Variants in GXYLT1 observed in about 807,000 individuals in gnomAD.
The protein encoded by GXYLT1 is glycosyltransferase 8 domain containing 3.
In GXYLT1, 29 loss-of-function variants were observed where a neutral mutation model predicts 54.0. That is an observed-to-expected ratio of 0.54 (90% confidence interval 0.40 to 0.73). The LOEUF (loss-of-function observed/expected upper bound fraction) is 0.73, where lower values mean the gene tolerates loss of function less well. Among genes scored for constraint, GXYLT1 ranks in the 30% least tolerant of loss-of-function variants. GXYLT1 has a pLI of 0.00. For missense variants in GXYLT1, 490 were observed against 553.4 expected, an observed-to-expected ratio of 0.89 and a Z score of 1.15; for synonymous variants, 176 against 204.1, an observed-to-expected ratio of 0.86 and a Z score of 1.17.
intron 2 of GXYLT1, among the ~76,000 whole-genome samples, chr12:42,129,138 T>C (rs147824239): frequency 4.6e-5 from 7 of 152,282 alleles, no homozygotes; most frequent in African/African-American, 7.2e-5. Context: ...TCAATACCTG[T>C]TTCTTTCATT....
intron 5 of GXYLT1, 58 bp downstream of exon 5, chr12:42,105,760 A>G (rs2065415588): frequency 7.0e-7 from 1 of 1,434,018 alleles, no homozygotes; most frequent in East Asian, 2.3e-5. Context: ...AGTTTTATTA[A>G]AAACAATTTA....
intron 3 of GXYLT1, among the ~76,000 whole-genome samples, chr12:42,111,609 T>C (rs1449856103): frequency 6.6e-6 from 1 of 152,050 alleles, no homozygotes; most frequent in Non-Finnish European, 1.5e-5. Context: ...CCAAGTTAGT[T>C]GTTTGATTAG....
intron 1 of GXYLT1, among the ~76,000 whole-genome samples, chr12:42,134,599 G>C (rs77501563): frequency 6.6e-6 from 1 of 152,096 alleles, no homozygotes; most frequent in Non-Finnish European, 1.5e-5. Context: ...TAAGCTCCCT[G>C]CTTTACCCAT....
intron 5 of GXYLT1, 99 bp downstream of exon 5, chr12:42,105,719 T>G: frequency 1.3e-6 from 1 of 775,588 alleles, no homozygotes; most frequent in South Asian, 1.9e-5. Context: ...GAAAAATTAT[T>G]TATAGTTCAA....
At chr12:42,101,104 C>T (rs1226272963) in intron 5 of GXYLT1, among the ~76,000 whole-genome samples, 5 of 152,008 alleles carry the variant, frequency 3.3e-5, no homozygotes, top group Admixed American at 1.3e-4. Context: ...GAAGCGATAA[C>T]GCTAGTATTA....
chr12:42,128,248 T>C (rs2065574480), intron 2 of GXYLT1, among the ~76,000 whole-genome samples: 1 of 152,182 alleles, frequency 6.6e-6, no homozygotes, highest in African/African-American at 2.4e-5. Context: ...GAATAGGTTT[T>C]AAATGTGCCC....
intron 3 of GXYLT1, among the ~76,000 whole-genome samples, chr12:42,116,731 G>A (rs2065497957): frequency 1.3e-5 from 2 of 152,106 alleles, no homozygotes; most frequent in African/African-American, 4.8e-5. Context: ...GATTCCTCAG[G>A]GATCTAGAAC....
intron 7 of GXYLT1, among the ~76,000 whole-genome samples, chr12:42,096,808 T>G (rs2065358219): frequency 6.6e-6 from 1 of 152,178 alleles, no homozygotes; most frequent in Admixed American, 6.5e-5. Context: ...AATGACATTT[T>G]GACTGACTGA....
chr12:42,107,672 T>G (rs945056209), intron 4 of GXYLT1, among the ~76,000 whole-genome samples: 1 of 151,450 alleles, frequency 6.6e-6, no homozygotes, highest in Non-Finnish European at 1.5e-5. Flanking sequence ...GACTAGGCAA[T>G]AGAGCAAGAC....
intron 5 of GXYLT1, among the ~76,000 whole-genome samples, chr12:42,099,723 G>A (rs1306922278): frequency 3.3e-5 from 5 of 152,104 alleles, no homozygotes; most frequent in East Asian, 1.9e-4. Flanking sequence ...GGTGGTACAC[G>A]CCTGTGGTCC....
In GXYLT1 at chr12:42,118,993, T is replaced by C. The variant is rs745742408; in HGVS notation, c.486+7A>G. 1.9e-6 allele frequency: 3 copies of C among 1,544,840 alleles called. No homozygotes were observed. The South Asian group carries it at 3.6e-5, about 18-fold the overall frequency. ...TCTACAACCTTGACTATGTCTCAAA[T>C]ACTTACTCTGCCTTTAAAGCTATGA... On this transcript the variant is annotated splice_region_variant and intron_variant, in intron 3 of 7. Transcript: ENST00000398675.
chr12:42,122,358 G>A (rs1200903666), intron 2 of GXYLT1, among the ~76,000 whole-genome samples: 1 of 152,202 alleles, frequency 6.6e-6, no homozygotes, highest in Non-Finnish European at 1.5e-5. Context: ...GGGAGGCCGA[G>A]GTGGGTGAAT....
chr12:42,144,220 AAC>A (rs1351617945), intron 1 of GXYLT1, among the ~76,000 whole-genome samples: 1 of 152,250 alleles, frequency 6.6e-6, no homozygotes, highest in Non-Finnish European at 1.5e-5. Flanking sequence ...TCAAAAGATA[AAC>A]ACAGAAAGTG....
chr12:42,144,755 A>T lies in GXYLT1; in HGVS notation c.-109T>A, dbSNP rs2065673115. 1 of 749,798 alleles carries T rather than the reference A, an allele frequency of 1.3e-6. No homozygotes were observed. Among genetic ancestry groups the T allele is most frequent in the African/African-American group, 1.9e-5 (1 of 53,552 alleles). 46.4% of individuals were successfully genotyped at this position (749,798 alleles called of 1,614,324 possible). A position where few individuals can be genotyped will look rare whatever the true frequency, so the allele number is the denominator to read the frequency against. On this transcript the variant is annotated 5_prime_UTR_variant, in exon 1 of 8. Coordinates refer to ENST00000398675, the MANE Select transcript of GXYLT1 (RefSeq NM_173601.2). ...CGGGCGCAACAAGTTCCTCACCCGC[A>T]GCCGCCGCCGCCGCCTTGCGCCCGC...
chr12:42,128,931 C>T (rs532457188), intron 2 of GXYLT1, among the ~76,000 whole-genome samples: 3 of 152,218 alleles, frequency 2.0e-5, no homozygotes, highest in African/African-American at 7.2e-5. Context: ...CCGCCTCAGC[C>T]TCCCAAAATG....
chr12:42,097,331 C>G, intron 7 of GXYLT1, 111 bp downstream of exon 7: 1 of 709,730 alleles, frequency 1.4e-6, no homozygotes, highest in Non-Finnish European at 2.1e-6. Context: ...ATGTTAATAA[C>G]AGATGAGGCT....
chr12:42,138,575 C>T (rs779300855), intron 1 of GXYLT1, among the ~76,000 whole-genome samples: 5 of 151,974 alleles, frequency 3.3e-5, no homozygotes, highest in Non-Finnish European at 7.4e-5. Flanking sequence ...CTTTCCTATG[C>T]GTAATAAAGG....
At chr12:42,089,108 G>A (rs1488611190) in intron 7 of GXYLT1, among the ~76,000 whole-genome samples, 1 of 151,878 alleles carries the variant, frequency 6.6e-6, no homozygotes, top group Non-Finnish European at 1.5e-5. Flanking sequence ...ACATACTCAA[G>A]ATAAACGTCT....
intron 5 of GXYLT1, among the ~76,000 whole-genome samples, chr12:42,102,222 T>C (rs1301999010): frequency 1.3e-5 from 2 of 152,222 alleles, no homozygotes; most frequent in Admixed American, 6.5e-5. Context: ...ATTCACATTA[T>C]GCTCCAACAA....
Sources: allele counts gnomAD v4.1 joint callset (sites outside exome capture counted in the v4.1 genomes callset), GRCh38; gene constraint gnomAD v4.1.1; transcripts MANE v1.5; gene names NCBI Gene and HGNC (gene_info 2026-07-23, HGNC 2026-07-21).